Variants in ANKRD11 observed in about 807,000 individuals in gnomAD.
ANKRD11 encodes the protein ankyrin repeat domain-containing protein 11.
In ANKRD11, 17 loss-of-function variants were observed where a neutral mutation model predicts 195.7. The observed-to-expected ratio is 0.09, with a 90% confidence interval of 0.06 to 0.13. The LOEUF (loss-of-function observed/expected upper bound fraction) is 0.13, where lower values mean the gene tolerates loss of function less well. Among genes scored for constraint, ANKRD11 ranks in the 10% least tolerant of loss-of-function variants. The pLI is 1.00. For missense variants in ANKRD11, 3,735 were observed against 3,566.1 expected, an observed-to-expected ratio of 1.05 and a Z score of -1.21; for synonymous variants, 1,953 against 1,528.1, an observed-to-expected ratio of 1.28 and a Z score of -6.49.
rs141054850 is a variant in ANKRD11, at chr16:89,282,549, G to C, written c.3993C>G (p.Asp1331Glu). 2 of 1,613,916 alleles carry C rather than the reference G, an allele frequency of 1.2e-6. No individual in the cohort carries two copies. The highest frequency in any genetic ancestry group is 2.2e-5 in the South Asian group (2 of 91,062). ...GGCAGGCGCTCTCCCTCGGCTTGTC[G>C]TCTCCAGGTGGCTCCGTGAAAGAGA... The part of the protein sequence containing the change: ...LEVSFTEPPG[D>E]DKPRESACLP... The change falls in exon 9 of 13, where the codon GAC (aspartate) becomes GAG (glutamate). Residue 1331 changes from aspartate to glutamate, a missense_variant. Physicochemically the swap from Asp to Glu is conservative, Grantham distance 45 (BLOSUM62 2). Transcript: ENST00000301030.
At position 89,446,326 on chromosome 16, in the gene ANKRD11, G is replaced by A. The variant is rs148535807; in HGVS notation, c.-144-27958C>T. Among the ~76,000 whole-genome samples the A allele has an allele frequency of 1.2e-3, 180 of 152,218 alleles. 1 individual carries two copies. Among genetic ancestry groups the A allele is most frequent in the African/African-American group, 3.9e-3 (164 of 41,536 alleles). ...TAAACAGTTTAACACTGAGGTGGAC[G>A]GGCGCAGTGGCTCACGCCCCTAATC... On this transcript the variant is annotated intron_variant, in intron 1 of 12. Coordinates refer to ENST00000301030, the MANE Select transcript of ANKRD11 (RefSeq NM_013275.6).
intron 6 of ANKRD11, chr16:89,288,990 C>T (rs2034845205): frequency 2.2e-6 from 1 of 457,980 alleles, no homozygotes; most frequent in South Asian, 2.1e-5. Flanking sequence ...CAGCCTCATC[C>T]TCACCGATCT....
At position 89,289,054 on chromosome 16, in the gene ANKRD11, C is replaced by T. The variant is rs946421763; in HGVS notation, c.602-384G>A. The T allele has an allele frequency of 4.7e-5, 15 of 317,828 alleles. No homozygotes were observed. In the East Asian group the frequency reaches 5.8e-4, roughly 12 times the overall value. The allele number at this position is 317,828 out of a possible 1,614,324, so 19.7% of individuals were successfully genotyped here. ...GAGGGGAAACCTCCCGTGTCGGAAA[C>T]GGAAACCAAGGCTGAGAGCCTCCTG... On this transcript the variant is annotated intron_variant, in intron 6 of 12. Transcript: ENST00000301030.
chr16:89,471,027 C>A (rs1215109947), intron 1 of ANKRD11, among the ~76,000 whole-genome samples: 2 of 151,496 alleles, frequency 1.3e-5, no homozygotes, highest in Non-Finnish European at 2.9e-5. Flanking sequence ...AGCATGGGAG[C>A]CAAAGCCTTC....
At chr16:89,388,725 C>T (rs1246266888) in intron 2 of ANKRD11, among the ~76,000 whole-genome samples, 1 of 152,146 alleles carries the variant, frequency 6.6e-6, no homozygotes, top group East Asian at 1.9e-4. Flanking sequence ...GAAGAGCCGG[C>T]AGGTCCCGGG....
At chr16:89,469,755 T>C (rs748503029) in intron 1 of ANKRD11, among the ~76,000 whole-genome samples, 9 of 148,856 alleles carry the variant, frequency 6.0e-5, no homozygotes, top group African/African-American at 1.2e-4. Context: ...AAAAAATAGC[T>C]GGGCGTGGTG....
At chr16:89,382,555 G>T (rs2040707936) in intron 2 of ANKRD11, among the ~76,000 whole-genome samples, 1 of 151,926 alleles carries the variant, frequency 6.6e-6, no homozygotes, top group Non-Finnish European at 1.5e-5. Flanking sequence ...TCGAACTCCT[G>T]ACCTCAAGTG....
chr16:89,404,755 A>G (rs778344309), intron 2 of ANKRD11, among the ~76,000 whole-genome samples: 2 of 152,274 alleles, frequency 1.3e-5, no homozygotes, highest in South Asian at 2.1e-4. Context: ...CCAGCTGGCC[A>G]TGTGCTCAGC....
intron 2 of ANKRD11, chr16:89,324,679 C>T (rs2037594654): frequency 8.3e-6 from 3 of 359,322 alleles, no homozygotes; most frequent in South Asian, 6.2e-5. Flanking sequence ...TACTTCCTGC[C>T]CTCGAACATC....
At chr16:89,427,862 G>A (rs550327167) in intron 1 of ANKRD11, among the ~76,000 whole-genome samples, 5 of 151,986 alleles carry the variant, frequency 3.3e-5, no homozygotes, top group East Asian at 3.9e-4. Context: ...ATTATTAAGG[G>A]GGCAAAATAA....
chr16:89,455,946 G>C (rs574079666), intron 1 of ANKRD11, among the ~76,000 whole-genome samples: 12 of 152,236 alleles, frequency 7.9e-5, no homozygotes, highest in African/African-American at 2.9e-4. Context: ...AAAACAGAAA[G>C]GTGGAAACAG....
chr16:89,351,197 G>T (rs2039201291), intron 2 of ANKRD11, among the ~76,000 whole-genome samples: 1 of 152,250 alleles, frequency 6.6e-6, no homozygotes, highest in African/African-American at 2.4e-5. Flanking sequence ...AGAGGCGGCG[G>T]CGGCAGCTGG....
chr16:89,416,300 G>A (rs966014994), intron 2 of ANKRD11, among the ~76,000 whole-genome samples: 1 of 151,846 alleles, frequency 6.6e-6, no homozygotes, highest in South Asian at 2.1e-4. Context: ...TGAATCCATC[G>A]ATTTTTTTTT....
At chr16:89,389,863 A>C (rs527508062) in intron 2 of ANKRD11, among the ~76,000 whole-genome samples, 2 of 136,834 alleles carry the variant, frequency 1.5e-5, no homozygotes, top group East Asian at 4.5e-4. Flanking sequence ...CGAGAGAAAG[A>C]AGATCACTGG....
intron 1 of ANKRD11, chr16:89,459,303 A>G (rs2152329732): frequency 5.9e-6 from 1 of 170,208 alleles, no homozygotes; most frequent in South Asian, 1.6e-4. Context: ...CTTGGAAAAG[A>G]GAATTCAGAC....
intron 3 of ANKRD11, among the ~76,000 whole-genome samples, chr16:89,305,823 T>C (rs1399206532): frequency 2.0e-5 from 2 of 100,916 alleles, no homozygotes; most frequent in East Asian, 3.0e-4. Flanking sequence ...ATGCGCCACT[T>C]ACCTCCCACT....
chr16:89,394,396 A>G (rs1215840676), intron 2 of ANKRD11, among the ~76,000 whole-genome samples: 1 of 152,242 alleles, frequency 6.6e-6, no homozygotes. Flanking sequence ...TGGGAGGCCA[A>G]GGCGGGCAGA....
chr16:89,423,773 G>A lies in ANKRD11; in HGVS notation c.-144-5405C>T, dbSNP rs191988349. Among the ~76,000 whole-genome samples, 125 of 152,312 alleles carry A rather than the reference G, an allele frequency of 8.2e-4. 1 individual carries two copies. Among genetic ancestry groups the A allele is most frequent in the African/African-American group, 2.8e-3 (118 of 41,570 alleles). On this transcript the variant is annotated intron_variant, in intron 1 of 12. Coordinates refer to ENST00000301030, the MANE Select transcript of ANKRD11 (RefSeq NM_013275.6). ...TGTAAGAAAACGTTTTAAATGGTCC[G>A]TTTTCCAGGCATGATAAATCTACGC... is the stretch of plus-strand genomic sequence containing the variant.
intron 2 of ANKRD11, among the ~76,000 whole-genome samples, chr16:89,396,694 C>T (rs1268835065): frequency 6.6e-6 from 1 of 152,044 alleles, no homozygotes. Context: ...GTTGTTGTTG[C>T]TGTTGTTTTT....
Sources: gnomAD v4.1 joint callset for allele counts (sites outside exome capture counted in the v4.1 genomes callset) on GRCh38, gnomAD v4.1.1 for gene constraint, MANE v1.5 for transcripts, NCBI Gene and HGNC (gene_info 2026-07-23, HGNC 2026-07-21) for gene names.